RHBDD3: variants seen among roughly 807,000 people sequenced by gnomAD.
RHBDD3 encodes the protein rhomboid domain containing 3.
In RHBDD3, 34 loss-of-function variants were observed where a neutral mutation model predicts 32.3. That is an observed-to-expected ratio of 1.05 (90% CI 0.80 to 1.40). The LOEUF (loss-of-function observed/expected upper bound fraction) is 1.40, where lower values mean the gene tolerates loss of function less well. Ranked by LOEUF, RHBDD3 falls within the 40% of genes most tolerant of loss-of-function variation. RHBDD3 has a pLI of 0.00. For missense variants in RHBDD3, 482 were observed against 492.6 expected (o/e 0.98, Z 0.20); for synonymous variants, 249 against 239.1 (o/e 1.04, Z -0.38).
At chr22:29,264,495 G>A in intron 3 of RHBDD3, 1 of 1,241,296 alleles carries the variant, frequency 8.1e-7, no homozygotes, top group African/African-American at 1.5e-5. Flanking sequence ...CACTCACTAT[G>A]TCCCAGACAC....
Position 29,264,227 on chromosome 22 carries a change from G to A in RHBDD3, c.149-9C>T, listed in dbSNP as rs763779326. On this transcript the variant is annotated splice_polypyrimidine_tract_variant and intron_variant, in intron 3 of 6. Transcript: ENST00000216085. ...GGTCAGCAGCCGGTGCACTGGGAGA[G>A]AGAAGGGGCTTATGTGCCAGGTTAG... The A allele has an allele frequency of 6.6e-7, 1 of 1,519,446 alleles. No individual in the cohort carries two copies. Among genetic ancestry groups the A allele is most frequent in the Admixed American group, 2.2e-5 (1 of 46,422 alleles). The allele number at this position is 1,519,446 out of a possible 1,614,324, so 94.1% of individuals were successfully genotyped here. A position where few individuals can be genotyped will look rare whatever the true frequency, so the allele number is the denominator to read the frequency against.
At chr22:29,264,611 C>T (rs2058156518) in intron 3 of RHBDD3, 2 of 723,462 alleles carry the variant, frequency 2.8e-6, no homozygotes, top group East Asian at 2.6e-4. Context: ...CTGTGTGACC[C>T]TGGTCAAATC....
At position 29,261,567 on chromosome 22, in the gene RHBDD3, T is replaced by C. The variant is rs59740128; in HGVS notation, c.533-703A>G. 4.5e-4 allele frequency: 140 copies of C among 314,500 alleles called. 1 individual carries two copies. Among genetic ancestry groups the C allele is most frequent in the African/African-American group, 3.1e-3 (137 of 44,662 alleles). The allele number at this position is 314,500 out of a possible 1,614,324, so 19.5% of individuals were successfully genotyped here. A position where few individuals can be genotyped will look rare whatever the true frequency, so the allele number is the denominator to read the frequency against. On this transcript the variant is annotated intron_variant, in intron 4 of 6. Transcript: ENST00000216085. ...TATGATGGCGTCGCCACACTCCAGC[T>C]TGGGTGACAGAATGAGACCCTGTCT...
At chr22:29,264,516 C>T (rs2058155703) in intron 3 of RHBDD3, 2 of 1,185,344 alleles carry the variant, frequency 1.7e-6, no homozygotes, top group Non-Finnish European at 2.1e-6. Context: ...CATGAAGGTA[C>T]TCTGCTTCTG....
Position 29,267,742 on chromosome 22 carries a change from A to C in RHBDD3, c.-195+6T>G. On this transcript the variant is annotated splice_donor_region_variant and intron_variant, in intron 1 of 6. Transcript: ENST00000216085. ...CTGGCCCGGGCCACGCGTCCCGGGT[A>C]CTCACTGCAGAGCGCGCCCGGCAAC... The C allele has an allele frequency of 1.2e-5, 2 of 166,158 alleles. No individual in the cohort carries two copies. Among genetic ancestry groups the C allele is most frequent in the Non-Finnish European group, 1.3e-5 (1 of 75,734 alleles). The allele number at this position is 166,158 out of a possible 1,614,324, so 10.3% of individuals were successfully genotyped here. A position where few individuals can be genotyped will look rare whatever the true frequency, so the allele number is the denominator to read the frequency against.
chr22:29,267,877 G>T lies in RHBDD3; in HGVS notation c.-324C>A. On this transcript the variant is annotated 5_prime_UTR_variant, in exon 1 of 7. Coordinates refer to ENST00000216085, the MANE Select transcript of RHBDD3 (RefSeq NM_012265.3). ...CACACCCGGCCGCGTGACCCCTGCC[G>T]ACCGGCTGGCGCGCCACCCATTCCC... 1 of 228,168 alleles carries T rather than the reference G, an allele frequency of 4.4e-6. No individual in the cohort carries two copies. Among genetic ancestry groups the T allele is most frequent in the African/African-American group, 2.2e-5 (1 of 44,840 alleles). 14.1% of individuals were successfully genotyped at this position (228,168 alleles called of 1,614,324 possible).
rs2231398 is a variant in RHBDD3, at chr22:29,260,400, G to T, written c.909C>A (p.Ala303=). The change falls in exon 6 of 7, where the codon GCC becomes GCA. Residue 303 remains alanine (A), a synonymous_variant. Transcript: ENST00000216085. The part of the protein sequence containing the change: ...DEQMLQEGIQ[A]SLLDGPAQEP... Reference sequence around the variant, plus strand: ...CCTGGGCTGGCCCGTCAAGAAGCGAGGCCTGGATGCCCTCCTGCAGCATCT... The same window carrying T: ...CCTGGGCTGGCCCGTCAAGAAGCGATGCCTGGATGCCCTCCTGCAGCATCT... 522,717 of 1,611,606 alleles carry T rather than the reference G, an allele frequency of 0.32. 91,503 individuals carry two copies. The highest frequency in any genetic ancestry group is 0.41 in the Middle Eastern group (2,470 of 6,058).
At chr22:29,261,913 A>G (rs1227760017) in intron 4 of RHBDD3, 1 of 152,602 alleles carries the variant, frequency 6.6e-6, no homozygotes, top group Non-Finnish European at 1.5e-5. Flanking sequence ...TCAGCCTCCC[A>G]AAGTGCTAGG....
chr22:29,263,731 C>T, intron 4 of RHBDD3, 104 bp downstream of exon 4: 1 of 1,438,288 alleles, frequency 7.0e-7, no homozygotes, highest in Non-Finnish European at 9.1e-7. Flanking sequence ...TGCACGGCTC[C>T]TTGGTATTGC....
Position 29,260,397 on chromosome 22 carries a change from C to T in RHBDD3, c.912G>A (p.Ser304=), listed in dbSNP as rs1464403098. ...EQMLQEGIQA[S]LLDGPAQEPQ... ...GTTCCTGGGCTGGCCCGTCAAGAAG[C>T]GAGGCCTGGATGCCCTCCTGCAGCA... The change falls in exon 6 of 7, where the codon TCG becomes TCA. Residue 304 remains serine (S), a synonymous_variant. Transcript: ENST00000216085. 16 of 1,612,182 alleles carry T rather than the reference C, an allele frequency of 9.9e-6. No homozygotes were observed. The highest frequency in any genetic ancestry group is 1.7e-5 in the Admixed American group (1 of 59,834).
At chr22:29,265,153 T>C (rs2058162223) in intron 3 of RHBDD3, 1 of 201,204 alleles carries the variant, frequency 5.0e-6, no homozygotes, top group Non-Finnish European at 9.9e-6. Flanking sequence ...CCTCAAGTGA[T>C]CCACCTGCCT....
chr22:29,259,962 C>A lies in RHBDD3; in HGVS notation c.*98G>T. On this transcript the variant is annotated 3_prime_UTR_variant, in exon 7 of 7. Transcript: ENST00000216085. ...CCTCCAGAGGTGCCCCTGCTCCCCACTGTGGCCCTCTTTAGACAGAGTAGG... is the reference window on the plus strand; with the variant it reads ...CCTCCAGAGGTGCCCCTGCTCCCCAATGTGGCCCTCTTTAGACAGAGTAGG... 1 of 1,279,786 alleles carries A rather than the reference C, an allele frequency of 7.8e-7. No individual in the cohort carries two copies. Among genetic ancestry groups the A allele is most frequent in the East Asian group, 2.5e-5 (1 of 39,372 alleles). 79.3% of individuals were successfully genotyped at this position (1,279,786 alleles called of 1,614,324 possible).
intron 4 of RHBDD3, among the ~76,000 whole-genome samples, chr22:29,262,562 G>A (rs1470399128): frequency 6.6e-6 from 1 of 152,156 alleles, no homozygotes; most frequent in Non-Finnish European, 1.5e-5. Context: ...GGACCAGCTT[G>A]CTAATTTCTG....
intron 2 of RHBDD3, among the ~76,000 whole-genome samples, chr22:29,266,609 G>A (rs1394645425): frequency 6.6e-6 from 1 of 152,098 alleles, no homozygotes; most frequent in East Asian, 1.9e-4. Context: ...CTCAAACATG[G>A]CCTTTCCCTG....
At chr22:29,263,058 G>A (rs2058137671) in intron 4 of RHBDD3, among the ~76,000 whole-genome samples, 2 of 146,200 alleles carry the variant, frequency 1.4e-5, no homozygotes, top group Admixed American at 1.4e-4. Context: ...GTTTTTTGGG[G>A]TTTGAGACCG....
At chr22:29,261,171 C>T (rs926874964) in intron 4 of RHBDD3, 66 of 565,662 alleles carry the variant, frequency 1.2e-4, no homozygotes, top group Middle Eastern at 2.7e-4. Context: ...CAAGACCCAC[C>T]CGTCCTGGAA....
At position 29,267,853 on chromosome 22, in the gene RHBDD3, A is replaced by T; in HGVS notation, c.-300T>A. Reference sequence around the variant, plus strand: ...CGAGAACCCTGAATCCATTCCGCGCACACCCGGCCGCGTGACCCCTGCCGA... The same window carrying T: ...CGAGAACCCTGAATCCATTCCGCGCTCACCCGGCCGCGTGACCCCTGCCGA... On this transcript the variant is annotated 5_prime_UTR_variant, in exon 1 of 7. Transcript: ENST00000216085. 4.6e-6 allele frequency: 1 copy of T among 217,612 alleles called. No individual in the cohort carries two copies. The highest frequency in any genetic ancestry group is 9.5e-6 in the Non-Finnish European group (1 of 105,310). 13.5% of individuals were successfully genotyped at this position (217,612 alleles called of 1,614,324 possible).
Position 29,260,134 on chromosome 22 carries a change from G to A in RHBDD3, c.1087C>T (p.Gln363Ter), listed in dbSNP as rs1039818254. Residue 363 changes from glutamine (Q) to a stop codon, truncating the protein, a stop_gained, in exon 7 of 7, where the codon CAA becomes TAA. Transcript: ENST00000216085. LOFTEE classifies it high-confidence loss of function. ...EGAVSLLVGG[Q>*]VGTETLVTHG... The stretch of plus-strand genomic sequence containing the variant: ...GTCACCAGGGTCTCAGTGCCCACTT[G>A]TCCTCCAACCAACAGTGACACGGCA... 7.6e-6 allele frequency: 12 copies of A among 1,587,790 alleles called. No homozygotes were observed. The highest frequency in any genetic ancestry group is 1.0e-5 in the Non-Finnish European group (12 of 1,167,550).
intron 4 of RHBDD3, chr22:29,262,057 G>C (rs1324111876): frequency 1.3e-5 from 2 of 151,582 alleles, no homozygotes; most frequent in African/African-American, 4.8e-5. Flanking sequence ...TTTATTTCTA[G>C]ATGGTCAATT....
Sources: gnomAD v4.1 joint callset for allele counts (sites outside exome capture counted in the v4.1 genomes callset) on GRCh38, gnomAD v4.1.1 for gene constraint, MANE v1.5 for transcripts, NCBI Gene and HGNC (gene_info 2026-07-23, HGNC 2026-07-21) for gene names.